Variants in ROR1 observed in about 807,000 individuals in gnomAD.
The protein encoded by ROR1 is ROR family WNT receptor 1.
ROR1 carries 19 observed loss-of-function variants against 78.8 expected under a neutral mutation model. The observed-to-expected ratio is 0.24, with a 90% CI of 0.17 to 0.35. The LOEUF (loss-of-function observed/expected upper bound fraction) is 0.35. Ranked by LOEUF, ROR1 falls within the 10% of genes least tolerant of loss-of-function variation. ROR1 has a pLI of 1.00. For missense variants in ROR1, 917 were observed against 1,177.8 expected, an observed-to-expected ratio of 0.78 and a Z score of 3.24; for synonymous variants, 386 against 433.6, an observed-to-expected ratio of 0.89 and a Z score of 1.36.
intron 4 of ROR1, among the ~76,000 whole-genome samples, chr1:64,114,855 A>G (rs748524797): frequency 2.4e-4 from 37 of 152,202 alleles, no homozygotes; most frequent in Non-Finnish European, 4.1e-4. Context: ...CAGATATGTG[A>G]TAAATCCTCC....
intron 1 of ROR1, among the ~76,000 whole-genome samples, chr1:63,835,557 T>C (rs1453442278): frequency 6.6e-6 from 1 of 152,238 alleles, no homozygotes; most frequent in Non-Finnish European, 1.5e-5. Context: ...GCAAAATTTA[T>C]GTGCCTTTGG....
chr1:64,050,388 C>G (rs985634010), intron 3 of ROR1, among the ~76,000 whole-genome samples: 1 of 152,162 alleles, frequency 6.6e-6, no homozygotes, highest in African/African-American at 2.4e-5. Flanking sequence ...TGCAACCACT[C>G]AGCCCATTGG....
At chr1:63,899,127 G>T (rs112345289) in intron 1 of ROR1, among the ~76,000 whole-genome samples, 6,556 of 152,080 alleles carry the variant, frequency 0.043, 260 homozygotes, top group Admixed American at 0.13. Flanking sequence ...TTCAGATCTG[G>T]GGTGTGGACC....
chr1:63,814,022 T>C (rs139621608), intron 1 of ROR1, among the ~76,000 whole-genome samples: 1 of 152,374 alleles, frequency 6.6e-6, no homozygotes, highest in Non-Finnish European at 1.5e-5. Context: ...ATCTGACCTA[T>C]TATTTTGCAT....
chr1:63,859,724 G>C (rs1055244222), intron 1 of ROR1, among the ~76,000 whole-genome samples: 2 of 152,308 alleles, frequency 1.3e-5, no homozygotes, highest in African/African-American at 4.8e-5. Context: ...CTCCCTCACT[G>C]TACAGCTGGT....
intron 1 of ROR1, among the ~76,000 whole-genome samples, chr1:63,981,129 C>T (rs911103608): frequency 6.6e-6 from 1 of 152,142 alleles, no homozygotes; most frequent in African/African-American, 2.4e-5. Flanking sequence ...AATCTGTCCC[C>T]ACCATTTGTT....
intron 1 of ROR1, among the ~76,000 whole-genome samples, chr1:63,779,723 A>G (rs891509979): frequency 6.6e-6 from 1 of 152,182 alleles, no homozygotes; most frequent in African/African-American, 2.4e-5. Flanking sequence ...TAATTGTGGC[A>G]TCCACTTTAT....
At chr1:64,099,310 A>C (rs1474532578) in intron 4 of ROR1, among the ~76,000 whole-genome samples, 1 of 152,216 alleles carries the variant, frequency 6.6e-6, no homozygotes, top group East Asian at 1.9e-4. Context: ...ATCTGTGTTC[A>C]GTTCTGGCGA....
intron 1 of ROR1, among the ~76,000 whole-genome samples, chr1:63,863,716 GTATTGT>G (rs1557533342): frequency 2.3e-5 from 1 of 43,142 alleles, no homozygotes; most frequent in East Asian, 5.4e-4. Flanking sequence ...CCATTGTATT[GTATTGT>G]ATTGTATTGT....
chr1:64,035,610 A>G (rs1048788435), intron 2 of ROR1, among the ~76,000 whole-genome samples: 2 of 152,136 alleles, frequency 1.3e-5, no homozygotes, highest in African/African-American at 4.8e-5. Context: ...GTAGCCTGTT[A>G]GTGTTTGTCA....
intron 4 of ROR1, among the ~76,000 whole-genome samples, chr1:64,074,743 C>A (rs1647035684): frequency 6.6e-6 from 1 of 152,214 alleles, no homozygotes; most frequent in Admixed American, 6.5e-5. Context: ...TATGCCTTAC[C>A]TGTGTTAGAG....
chr1:63,891,914 G>A (rs1366081165), intron 1 of ROR1, among the ~76,000 whole-genome samples: 3 of 152,030 alleles, frequency 2.0e-5, no homozygotes, highest in East Asian at 1.9e-4. Flanking sequence ...GCATATTGTC[G>A]GATTGCTCAG....
intron 2 of ROR1, among the ~76,000 whole-genome samples, chr1:64,030,064 C>T (rs1262907251): frequency 1.3e-5 from 2 of 152,106 alleles, no homozygotes; most frequent in Admixed American, 1.3e-4. Context: ...CCCTATTTTA[C>T]CCAAACTACA....
chr1:63,998,476 G>T (rs1243790111), intron 1 of ROR1, among the ~76,000 whole-genome samples: 1 of 152,118 alleles, frequency 6.6e-6, no homozygotes, highest in Non-Finnish European at 1.5e-5. Context: ...CTTTCAAGGA[G>T]ATGCAATTTG....
chr1:64,121,619 C>T (rs1001281883), intron 4 of ROR1, among the ~76,000 whole-genome samples: 1 of 151,206 alleles, frequency 6.6e-6, no homozygotes, highest in African/African-American at 2.4e-5. Context: ...TTTGAATTGC[C>T]GGTGCATAAC....
At chr1:63,788,311 ATCCTACCAT>A (rs1644704414) in intron 1 of ROR1, among the ~76,000 whole-genome samples, 1 of 152,230 alleles carries the variant, frequency 6.6e-6, no homozygotes, top group East Asian at 1.9e-4. Context: ...TTCACCCATT[ATCCTACCAT>A]TCAGAGATAA....
chr1:64,122,391 A>G (rs1196995731), intron 4 of ROR1, among the ~76,000 whole-genome samples: 1 of 152,136 alleles, frequency 6.6e-6, no homozygotes, highest in Non-Finnish European at 1.5e-5. Context: ...TGAGGGTATC[A>G]TTGGTTTACC....
At chr1:63,991,659 T>C (rs1342704868) in intron 1 of ROR1, among the ~76,000 whole-genome samples, 1 of 152,242 alleles carries the variant, frequency 6.6e-6, no homozygotes, top group Non-Finnish European at 1.5e-5. Flanking sequence ...TTTATCTGTG[T>C]GGTAGACTTC....
chr1:64,053,254 C>T (rs551589822), intron 4 of ROR1, among the ~76,000 whole-genome samples: 17 of 152,260 alleles, frequency 1.1e-4, no homozygotes, highest in Non-Finnish European at 2.4e-4. Flanking sequence ...ATACATTAGA[C>T]ATATGAAACC....
Sources: allele counts gnomAD v4.1 joint callset (sites outside exome capture counted in the v4.1 genomes callset), GRCh38; gene constraint gnomAD v4.1.1; transcripts MANE v1.5; gene names NCBI Gene and HGNC (gene_info 2026-07-23, HGNC 2026-07-21).